Variants in GSTCD observed in about 807,000 individuals in gnomAD.
GSTCD encodes glutathione S-transferase C-terminal domain containing, also known as glutathione S-transferase C-terminal domain-containing protein.
In GSTCD, 44 loss-of-function variants were observed where a neutral mutation model predicts 68.3. That is an observed-to-expected ratio of 0.64 (90% CI 0.51 to 0.83). The LOEUF (loss-of-function observed/expected upper bound fraction) is 0.83, where lower values mean the gene tolerates loss of function less well. GSTCD is among the 40% of genes least tolerant of loss of function. The probability of loss-of-function intolerance (pLI) is 0.00; values close to 1 mark genes in which losing one functional copy is unlikely to be tolerated. For synonymous variants in GSTCD, 273 were observed against 255.2 expected (o/e 1.07, Z -0.67); for missense variants, 739 against 735.9 (o/e 1.00, Z -0.05).
intron 5 of GSTCD, among the ~76,000 whole-genome samples, chr4:105,737,655 T>A (rs72969273): frequency 1.5e-3 from 234 of 152,312 alleles, no homozygotes; most frequent in African/African-American, 5.3e-3. Context: ...TGGATTTTGG[T>A]GTATGATGAA....
chr4:105,838,807 A>G (rs1467343161), intron 10 of GSTCD, among the ~76,000 whole-genome samples: 2 of 152,266 alleles, frequency 1.3e-5, no homozygotes, highest in African/African-American at 4.8e-5. Flanking sequence ...TGAGAAAAAT[A>G]TATAAATAAT....
At chr4:105,718,410 C>T (rs1732754529) in intron 2 of GSTCD, among the ~76,000 whole-genome samples, 1 of 152,012 alleles carries the variant, frequency 6.6e-6, no homozygotes, top group Non-Finnish European at 1.5e-5. Context: ...TCTCTTGCAC[C>T]CTCTCTCCCC....
intron 5 of GSTCD, among the ~76,000 whole-genome samples, chr4:105,736,105 AT>A (rs1273594449): frequency 5.9e-5 from 9 of 151,930 alleles, no homozygotes; most frequent in Admixed American, 5.2e-4. Flanking sequence ...TTTCTTTATA[AT>A]TTTTTAAACA....
intron 5 of GSTCD, among the ~76,000 whole-genome samples, chr4:105,820,386 C>T (rs966939379): frequency 2.6e-5 from 4 of 151,686 alleles, no homozygotes; most frequent in African/African-American, 7.3e-5. Flanking sequence ...TTTCTTTTTC[C>T]GTGACACTAG....
At chr4:105,718,147 T>A (rs370009229) in intron 2 of GSTCD, 108 bp downstream of exon 2, 18 of 875,908 alleles carry the variant, frequency 2.1e-5, no homozygotes, top group African/African-American at 5.1e-5. Flanking sequence ...TTATTTATTT[T>A]AAAAAACCCC....
At chr4:105,796,442 A>AT in intron 5 of GSTCD, among the ~76,000 whole-genome samples, 1 of 152,136 alleles carries the variant, frequency 6.6e-6, no homozygotes, top group African/African-American at 2.4e-5. Flanking sequence ...TCTTATTTCC[A>AT]TTTTTTGTCA....
At chr4:105,823,354 T>A in intron 7 of GSTCD, 79 bp downstream of exon 7, 1 of 1,235,622 alleles carries the variant, frequency 8.1e-7, no homozygotes, top group African/African-American at 1.5e-5. Context: ...TATCCCGCTC[T>A]TGGAGTTTCT....
chr4:105,817,376 A>T (rs1005444288), intron 5 of GSTCD, among the ~76,000 whole-genome samples: 1 of 151,796 alleles, frequency 6.6e-6, no homozygotes, highest in Non-Finnish European at 1.5e-5. Flanking sequence ...TTAGTTAATT[A>T]TTTAATTATT....
chr4:105,755,495 C>T (rs1734155497), intron 5 of GSTCD, among the ~76,000 whole-genome samples: 1 of 152,144 alleles, frequency 6.6e-6, no homozygotes, highest in South Asian at 2.1e-4. Flanking sequence ...TCTAACTCAA[C>T]ACATTACTTC....
chr4:105,802,528 T>C (rs529976545), intron 5 of GSTCD, among the ~76,000 whole-genome samples: 1 of 152,260 alleles, frequency 6.6e-6, no homozygotes, highest in South Asian at 2.1e-4. Context: ...TTTATAACTA[T>C]TTTCTGTCTA....
intron 3 of GSTCD, among the ~76,000 whole-genome samples, chr4:105,719,979 T>G (rs1732810142): frequency 1.3e-5 from 2 of 152,188 alleles, no homozygotes; most frequent in Non-Finnish European, 2.9e-5. Flanking sequence ...CAGCTAAATT[T>G]TATAATGAAT....
chr4:105,780,014 C>T (rs1267918803), intron 5 of GSTCD, among the ~76,000 whole-genome samples: 1 of 152,206 alleles, frequency 6.6e-6, no homozygotes, highest in Admixed American at 6.5e-5. Context: ...TGCCTGATTA[C>T]AAATCCTGCA....
chr4:105,837,418 C>A (rs1724168363), intron 9 of GSTCD, among the ~76,000 whole-genome samples: 1 of 152,200 alleles, frequency 6.6e-6, no homozygotes, highest in Admixed American at 6.5e-5. Flanking sequence ...ATGGAAACCG[C>A]CTCCTGACCT....
chr4:105,817,991 A>G (rs1432443680), intron 5 of GSTCD, among the ~76,000 whole-genome samples: 4 of 152,056 alleles, frequency 2.6e-5, no homozygotes, highest in African/African-American at 9.6e-5. Context: ...AAACTCATTC[A>G]TTAAACTTTT....
At chr4:105,835,182 C>T (rs977764434) in intron 9 of GSTCD, among the ~76,000 whole-genome samples, 3 of 152,154 alleles carry the variant, frequency 2.0e-5, no homozygotes, top group Non-Finnish European at 4.4e-5. Context: ...ATCCTTGGGG[C>T]GTCGCTTTGC....
chr4:105,837,782 A>G (rs750730907), intron 9 of GSTCD, 77 bp from the exon 10 acceptor site: 37 of 632,040 alleles, frequency 5.9e-5, no homozygotes, highest in African/African-American at 9.6e-5. Flanking sequence ...GCATATTTTT[A>G]TATAATTTAG....
At chr4:105,727,960 A>G (rs896210115) in intron 4 of GSTCD, among the ~76,000 whole-genome samples, 1 of 152,192 alleles carries the variant, frequency 6.6e-6, no homozygotes, top group Non-Finnish European at 1.5e-5. Context: ...GGTAGCTAAC[A>G]GAGTTTACTG....
intron 5 of GSTCD, among the ~76,000 whole-genome samples, chr4:105,753,750 C>T (rs921436746): frequency 3.3e-5 from 5 of 151,976 alleles, no homozygotes; most frequent in African/African-American, 1.2e-4. Context: ...TATACATAAA[C>T]TATACATACC....
At chr4:105,717,009 G>A (rs1490733652) in intron 1 of GSTCD, among the ~76,000 whole-genome samples, 1 of 152,126 alleles carries the variant, frequency 6.6e-6, no homozygotes, top group African/African-American at 2.4e-5. Context: ...AGAGAATAAG[G>A]AACTGGATTT....
Sources: gnomAD v4.1 joint callset for allele counts (sites outside exome capture counted in the v4.1 genomes callset) on GRCh38, gnomAD v4.1.1 for gene constraint, MANE v1.5 for transcripts, NCBI Gene and HGNC (gene_info 2026-07-23, HGNC 2026-07-21) for gene names.